The following SF3B1 variants were observed in gnomAD, a reference collection of about 807,000 sequenced individuals.
SF3B1 encodes pre-mRNA processing 10.
In SF3B1, 12 loss-of-function variants were observed where a neutral mutation model predicts 153.8. That is an observed-to-expected ratio of 0.08 (90% CI 0.05 to 0.13). The LOEUF (loss-of-function observed/expected upper bound fraction) is 0.13. Among genes scored for constraint, SF3B1 ranks in the 10% least tolerant of loss-of-function variants. SF3B1 has a pLI of 1.00. For missense variants in SF3B1, 513 were observed against 1,606.1 expected (o/e 0.32, Z 11.63); for synonymous variants, 498 against 525.2 (o/e 0.95, Z 0.71).
At chr2:197,404,649 C>G (rs559805725) in intron 11 of SF3B1, 8 of 152,292 alleles carry the variant, frequency 5.3e-5, no homozygotes, top group African/African-American at 1.9e-4. Flanking sequence ...TAAATTTTTT[C>G]CCCTCATGCT....
chr2:197,395,265 TTTACAGAGCACAATTC>T (rs2084863222), intron 23 of SF3B1, among the ~76,000 whole-genome samples: 1 of 152,294 alleles, frequency 6.6e-6, no homozygotes, highest in South Asian at 2.1e-4. Flanking sequence ...CAGCCAGGCT[TTTACAGAGCACAATTC>T]TTACTTTGTC....
chr2:197,393,666 T>C (rs1346366315), intron 23 of SF3B1, among the ~76,000 whole-genome samples: 6 of 152,090 alleles, frequency 3.9e-5, no homozygotes, highest in African/African-American at 1.2e-4. Flanking sequence ...TTGGCCAGGA[T>C]GGTCTCGATC....
chr2:197,398,679 TA>T (rs1184672085), intron 20 of SF3B1, 98 bp from the exon 21 acceptor site: 1 of 1,125,814 alleles, frequency 8.9e-7, no homozygotes, highest in African/African-American at 1.6e-5. Context: ...TGTATAAATA[TA>T]AACTTACAGC....
intron 1 of SF3B1, among the ~76,000 whole-genome samples, chr2:197,426,332 G>A (rs375750216): frequency 6.6e-6 from 1 of 151,794 alleles, no homozygotes; most frequent in African/African-American, 2.4e-5. Flanking sequence ...TTTTGCTCTT[G>A]TTGCCCAGGC....
chr2:197,406,896 T>C (rs894900436), intron 9 of SF3B1, among the ~76,000 whole-genome samples: 2 of 152,086 alleles, frequency 1.3e-5, no homozygotes, highest in Non-Finnish European at 2.9e-5. Context: ...GAGACCAGCC[T>C]GGCAACACAG....
At chr2:197,415,256 T>G (rs909219505) in intron 6 of SF3B1, among the ~76,000 whole-genome samples, 3 of 151,196 alleles carry the variant, frequency 2.0e-5, no homozygotes, top group African/African-American at 7.3e-5. Flanking sequence ...CTTTAATTAT[T>G]TATTTATTTA....
chr2:197,396,410 C>T, intron 22 of SF3B1, 82 bp from the exon 23 acceptor site: 2 of 1,178,284 alleles, frequency 1.7e-6, no homozygotes, highest in Non-Finnish European at 2.4e-6. Context: ...AAGATGAAAA[C>T]TTTTAAGTAT....
chr2:197,421,062 T>A lies in SF3B1; in HGVS notation c.267A>T (p.Ala89=). 6.2e-7 allele frequency: 1 copy of A among 1,612,714 alleles called. No individual in the cohort carries two copies. The change falls in exon 3 of 25, where the codon GCA becomes GCT. Residue 89 remains alanine, a synonymous_variant. Transcript: ENST00000335508. ...TTGACTGTGGTATATCATTAAGCAA[T>A]GCCACAGGGGCATGATATCCTGGCT... The part of the protein sequence containing the change: ...QKKPGYHAPV[A]LLNDIPQSTE...
chr2:197,391,557 G>T lies in SF3B1; in HGVS notation c.*746C>A, dbSNP rs900774886. The T allele has an allele frequency of 6.6e-6, 1 of 152,236 alleles. No homozygotes were observed. Among genetic ancestry groups the T allele is most frequent in the African/African-American group, 2.4e-5 (1 of 41,466 alleles). 9.4% of individuals were successfully genotyped at this position (152,236 alleles called of 1,614,324 possible). A position where few individuals can be genotyped will look rare whatever the true frequency, so the allele number is the denominator to read the frequency against. On this transcript the variant is annotated 3_prime_UTR_variant, in exon 25 of 25. Transcript: ENST00000335508. The stretch of plus-strand genomic sequence containing the variant: ...CTCCTAATAGGCAGAAAGCAGTTTT[G>T]AAGTAAAGTTAAATTCCTCACTTGC...
chr2:197,415,852 T>C (rs2085139586), intron 6 of SF3B1, among the ~76,000 whole-genome samples: 1 of 152,166 alleles, frequency 6.6e-6, no homozygotes, highest in Non-Finnish European at 1.5e-5. Context: ...CAGGCTGGAA[T>C]GCAGCGGCAT....
rs2105985826 is a variant in SF3B1 at position 197,402,210 on chromosome 2, T to C, written c.2078-80A>G. 2 of 1,506,292 alleles carry C rather than the reference T, an allele frequency of 1.3e-6. No individual in the cohort carries two copies. The highest frequency in any genetic ancestry group is 1.8e-6 in the Non-Finnish European group (2 of 1,121,334). 93.3% of individuals were successfully genotyped at this position (1,506,292 alleles called of 1,614,324 possible). ...ATATCATCCAGATTCTCTCAATATA[T>C]CAACTATTCAGCCAAACTGCAGAAT... On this transcript the variant is annotated intron_variant, in intron 14 of 24. Transcript: ENST00000335508. This position sits in a 1 kb window ranked among gnomAD's most constrained non-coding sequence, Gnocchi z 4.6.
At chr2:197,413,382 G>T (rs2085100424) in intron 6 of SF3B1, among the ~76,000 whole-genome samples, 1 of 152,046 alleles carries the variant, frequency 6.6e-6, no homozygotes, top group Non-Finnish European at 1.5e-5. Context: ...GCTACCCATG[G>T]GTGACAGAGC....
At chr2:197,424,980 T>C (rs1366490234) in intron 1 of SF3B1, among the ~76,000 whole-genome samples, 1 of 151,624 alleles carries the variant, frequency 6.6e-6, no homozygotes, top group Non-Finnish European at 1.5e-5. Context: ...GCCAAGATGG[T>C]GAAACCTCCT....
Position 197,401,066 on chromosome 2 carries a change from C to T in SF3B1, c.2497-130G>A, listed in dbSNP as rs2084932739. ...TAAACATGGTAAGAATGATTCATTG[C>T]TACTTATTAAAGTTGAAGAGAAAAG... On this transcript the variant is annotated intron_variant, in intron 17 of 24. Transcript: ENST00000335508. The surrounding 1 kb of genome is among the most constrained non-coding windows in gnomAD (Gnocchi z 4.2). 1 of 639,470 alleles carries T rather than the reference C, an allele frequency of 1.6e-6. No homozygotes were observed. Among genetic ancestry groups the T allele is most frequent in the Non-Finnish European group, 2.7e-6 (1 of 373,608 alleles). The allele number at this position is 639,470 out of a possible 1,614,324, so 39.6% of individuals were successfully genotyped here.
At position 197,398,671 on chromosome 2, in the gene SF3B1, T is replaced by C. The variant is rs2084902978; in HGVS notation, c.3014-90A>G. 3 of 1,187,624 alleles carry C rather than the reference T, an allele frequency of 2.5e-6. No individual in the cohort carries two copies. In the African/African-American group the frequency reaches 4.6e-5, roughly 18 times the overall value. The allele number at this position is 1,187,624 out of a possible 1,614,324, so 73.6% of individuals were successfully genotyped here. On this transcript the variant is annotated intron_variant, in intron 20 of 24. Coordinates refer to ENST00000335508, the MANE Select transcript of SF3B1 (RefSeq NM_012433.4). ...CTTAGCAATGTCATATATGACTATG[T>C]ATAAATATAAACTTACAGCTGCCTA...
intron 2 of SF3B1, among the ~76,000 whole-genome samples, chr2:197,422,466 T>C (rs991815723): frequency 1.3e-5 from 2 of 151,728 alleles, no homozygotes; most frequent in Non-Finnish European, 2.9e-5. Flanking sequence ...AATGACAAGT[T>C]AATGGGTGCA....
chr2:197,418,264 A>AAAAAAAAAAAAC (rs2085186178), intron 5 of SF3B1, among the ~76,000 whole-genome samples: 3 of 144,120 alleles, frequency 2.1e-5, no homozygotes, highest in East Asian at 2.1e-4. Flanking sequence ...AAAAAAAAAA[A>AAAAAAAAAAAAC]TCCCTTGTGA....
rs760059397 is a variant in SF3B1, at chr2:197,405,258, CT to C, written c.1437+16del. On this transcript the variant is annotated intron_variant, in intron 10 of 24. Transcript: ENST00000335508. Reference sequence around the variant, plus strand: ...CTGGAACACAATTAATAGTTTATTTCTGCTAGTATCACTTACCAATAGTTTA... The same window carrying C: ...CTGGAACACAATTAATAGTTTATTTCGCTAGTATCACTTACCAATAGTTTA... 5.6e-6 allele frequency: 9 copies of C among 1,597,794 alleles called. No homozygotes were observed. Among genetic ancestry groups the C allele is most frequent in the Non-Finnish European group, 6.9e-6 (8 of 1,165,592 alleles).
intron 2 of SF3B1, among the ~76,000 whole-genome samples, chr2:197,423,089 AC>A (rs1375996285): frequency 2.0e-5 from 3 of 152,090 alleles, no homozygotes; most frequent in African/African-American, 7.2e-5. Context: ...CAATATCAGT[AC>A]TAAGAAAAAT....
Sources: gnomAD v4.1 joint callset for allele counts (sites outside exome capture counted in the v4.1 genomes callset) on GRCh38, gnomAD v4.1.1 for gene constraint, Gnocchi (gnomAD v3.1) non-coding constraint, MANE v1.5 for transcripts, NCBI Gene and HGNC (gene_info 2026-07-23, HGNC 2026-07-21) for gene names.